Variants in SLC6A15 observed in about 807,000 individuals in gnomAD.
The protein encoded by SLC6A15 is sodium-dependent neutral amino acid transporter B(0)AT2.
SLC6A15 carries 33 observed loss-of-function variants against 68.5 expected under a neutral mutation model. That is an observed-to-expected ratio of 0.48 (90% CI 0.37 to 0.64). The LOEUF (loss-of-function observed/expected upper bound fraction) is 0.64. SLC6A15 is among the 30% of genes least tolerant of loss of function. The pLI is 0.00. For synonymous variants in SLC6A15, 347 were observed against 301.0 expected, an observed-to-expected ratio of 1.15 and a Z score of -1.58; for missense variants, 747 against 874.3, an observed-to-expected ratio of 0.85 and a Z score of 1.84.
chr12:84,889,676 A>T (rs1370116394), intron 2 of SLC6A15, among the ~76,000 whole-genome samples: 6 of 152,180 alleles, frequency 3.9e-5, no homozygotes, highest in Admixed American at 2.0e-4. Context: ...TTCTAAGCAC[A>T]TTACCTGTAG....
intron 11 of SLC6A15, 26 bp from the exon 12 acceptor site, chr12:84,862,032 T>G (rs1359574368): frequency 2.0e-6 from 3 of 1,536,442 alleles, no homozygotes; most frequent in Middle Eastern, 3.7e-4. Context: ...ATAATAATTA[T>G]TAGTAATCTA....
chr12:84,862,935 G>T (rs762230287), intron 11 of SLC6A15, among the ~76,000 whole-genome samples: 1 of 152,026 alleles, frequency 6.6e-6, no homozygotes, highest in African/African-American at 2.4e-5. Context: ...GACTATAGCC[G>T]TGTGCTACCA....
intron 1 of SLC6A15, among the ~76,000 whole-genome samples, chr12:84,904,026 T>A (rs924656081): frequency 6.6e-6 from 1 of 152,132 alleles, no homozygotes; most frequent in African/African-American, 2.4e-5. Flanking sequence ...TTCTTTTAAA[T>A]CTGGGTTAAC....
chr12:84,870,780 T>A (rs928516909), intron 8 of SLC6A15, 110 bp from the exon 9 acceptor site: 27 of 609,340 alleles, frequency 4.4e-5, no homozygotes, highest in Non-Finnish European at 6.3e-5. Context: ...CCAGGACTGC[T>A]GGAAATAGAC....
At chr12:84,882,788 A>T in intron 5 of SLC6A15, 1 of 188,034 alleles carries the variant, frequency 5.3e-6, no homozygotes, top group East Asian at 1.9e-4. Context: ...TGGTTTTTAT[A>T]ATTAAATGGG....
chr12:84,870,393 A>T (rs986914439), intron 9 of SLC6A15, 85 bp downstream of exon 9: 4 of 876,780 alleles, frequency 4.6e-6, no homozygotes, highest in Non-Finnish European at 6.5e-6. Context: ...AAAATATAAG[A>T]CTTTCCACTT....
At chr12:84,866,473 A>G (rs1871071025) in intron 10 of SLC6A15, among the ~76,000 whole-genome samples, 1 of 152,208 alleles carries the variant, frequency 6.6e-6, no homozygotes, top group Non-Finnish European at 1.5e-5. Context: ...TGTGCAGCAA[A>G]TGACATATAC....
At chr12:84,885,293 T>C in intron 4 of SLC6A15, 142 bp downstream of exon 4, 1 of 787,220 alleles carries the variant, frequency 1.3e-6, no homozygotes, top group Non-Finnish European at 1.8e-6. Context: ...ATGTCAATCC[T>C]GAATGTGAGC....
intron 2 of SLC6A15, among the ~76,000 whole-genome samples, chr12:84,886,272 ATAAT>A (rs1233071972): frequency 8.5e-5 from 13 of 152,156 alleles, no homozygotes; most frequent in African/African-American, 3.1e-4. Flanking sequence ...TGATAATAAA[ATAAT>A]TAGGATAAAA....
chr12:84,875,684 AT>A (rs1234536078), intron 6 of SLC6A15, among the ~76,000 whole-genome samples: 1 of 578 alleles, frequency 1.7e-3, no homozygotes, highest in African/African-American at 6.5e-3. Context: ...ATATATATAT[AT>A]ATATATATAT....
chr12:84,865,886 G>A (rs1313053007), intron 10 of SLC6A15, among the ~76,000 whole-genome samples: 1 of 152,040 alleles, frequency 6.6e-6, no homozygotes, highest in East Asian at 1.9e-4. Context: ...GAATATAGTT[G>A]CTATAAACAC....
chr12:84,895,413 G>T (rs1354592692), intron 1 of SLC6A15, among the ~76,000 whole-genome samples: 1 of 121,240 alleles, frequency 8.2e-6, no homozygotes, highest in Non-Finnish European at 1.6e-5. Flanking sequence ...GCAGTGGCAT[G>T]ATCTCGGCTC....
intron 1 of SLC6A15, among the ~76,000 whole-genome samples, chr12:84,899,416 A>C (rs1367487198): frequency 6.6e-6 from 1 of 152,212 alleles, no homozygotes; most frequent in Admixed American, 6.5e-5. Context: ...GCACAAAGTG[A>C]TAAAAAAGTA....
At position 84,885,494 on chromosome 12, in the gene SLC6A15, G is replaced by C; in HGVS notation, c.515C>G (p.Ser172Cys). ...ATCCCAAGGCAGGGGTTGCTGAAAA[G>C]ACTGAGAAAAATAAAACAAACTCCA... is the stretch of plus-strand genomic sequence containing the variant. ...IGWSLFYFSQ[S>C]FQQPLPWDQC... Residue 172 changes from serine to cysteine, a missense_variant, in exon 4 of 12, where the codon TCT (serine) becomes TGT (cysteine). Ser to Cys is a moderately radical substitution (Grantham distance 112). Coordinates refer to ENST00000266682, the MANE Select transcript of SLC6A15 (RefSeq NM_182767.6). 6.2e-7 allele frequency: 1 copy of C among 1,613,546 alleles called. No homozygotes were observed. The highest frequency in any genetic ancestry group is 8.5e-7 in the Non-Finnish European group (1 of 1,179,696).
chr12:84,881,996 T>A, intron 5 of SLC6A15: 1 of 979,176 alleles, frequency 1.0e-6, no homozygotes, highest in Non-Finnish European at 1.2e-6. Context: ...AATAAATGTA[T>A]GTACTAAATA....
chr12:84,910,995 A>C (rs1298058176), intron 1 of SLC6A15, among the ~76,000 whole-genome samples: 3 of 151,456 alleles, frequency 2.0e-5, no homozygotes, highest in Non-Finnish European at 4.4e-5. Context: ...ACACTGTTCA[A>C]AGAAGATTTA....
Position 84,866,258 on chromosome 12 carries a change from G to A in SLC6A15, c.1655+776C>T, listed in dbSNP as rs147518253. Among the ~76,000 whole-genome samples the A allele has an allele frequency of 3.0e-3, 451 of 152,154 alleles. 1 individual carries two copies. Among genetic ancestry groups the A allele is most frequent in the Non-Finnish European group, 4.7e-3 (322 of 67,994 alleles). ...AGAGACAGTGACTATAAAAAGTATT[G>A]GACAAATCCTCCAAAGGTCTTTTTC... On this transcript the variant is annotated intron_variant, in intron 10 of 11. Transcript: ENST00000266682.
intron 6 of SLC6A15, among the ~76,000 whole-genome samples, chr12:84,873,906 G>T (rs1354210991): frequency 2.0e-5 from 3 of 152,134 alleles, no homozygotes; most frequent in Non-Finnish European, 1.5e-5. Context: ...TTGTCTATAA[G>T]ATACTCTTTC....
At chr12:84,863,197 T>C (rs1870923051) in intron 11 of SLC6A15, among the ~76,000 whole-genome samples, 1 of 152,206 alleles carries the variant, frequency 6.6e-6, no homozygotes, top group Non-Finnish European at 1.5e-5. Context: ...AGTGTTAAGA[T>C]GGATATATCT....
Sources: allele counts gnomAD v4.1 joint callset (sites outside exome capture counted in the v4.1 genomes callset), GRCh38; gene constraint gnomAD v4.1.1; transcripts MANE v1.5; gene names NCBI Gene and HGNC (gene_info 2026-07-23, HGNC 2026-07-21).